Variants in CACNA1B observed in about 807,000 individuals in gnomAD.
CACNA1B encodes voltage-dependent N-type calcium channel subunit alpha-1B.
A neutral mutation model predicts 247.2 loss-of-function variants in CACNA1B; 70 were observed. The observed-to-expected ratio is 0.28, with a 90% CI of 0.23 to 0.35. The LOEUF (loss-of-function observed/expected upper bound fraction) is 0.35, where lower values mean the gene tolerates loss of function less well. Among genes scored for constraint, CACNA1B ranks in the 10% least tolerant of loss-of-function variants. CACNA1B has a pLI of 1.00. For missense variants in CACNA1B, 2,367 were observed against 3,197.4 expected, an observed-to-expected ratio of 0.74 and a Z score of 6.26; for synonymous variants, 1,231 against 1,294.4, an observed-to-expected ratio of 0.95 and a Z score of 1.05.
chr9:138,059,309 T>C lies in CACNA1B; in HGVS notation c.4584+120T>C, dbSNP rs79650227. Reference sequence around the variant, plus strand: ...GAATTCTCCGAGTACCCAGAGTATATGTAATGCTACAGGGGCCCTGGGGAA... The same window carrying C: ...GAATTCTCCGAGTACCCAGAGTATACGTAATGCTACAGGGGCCCTGGGGAA... On this transcript the variant is annotated intron_variant, in intron 30 of 46. Coordinates refer to ENST00000371372, the MANE Select transcript of CACNA1B (RefSeq NM_000718.4). This position sits in a 1 kb window ranked among gnomAD's most constrained non-coding sequence, Gnocchi z 4.2. 1 of 669,788 alleles carries C rather than the reference T, an allele frequency of 1.5e-6. No individual in the cohort carries two copies. The highest frequency in any genetic ancestry group is 1.8e-5 in the African/African-American group (1 of 56,234). 41.5% of individuals were successfully genotyped at this position (669,788 alleles called of 1,614,324 possible). A position where few individuals can be genotyped will look rare whatever the true frequency, so the allele number is the denominator to read the frequency against.
At chr9:138,087,392 A>G (rs1045172766) in intron 36 of CACNA1B, among the ~76,000 whole-genome samples, 5 of 146,364 alleles carry the variant, frequency 3.4e-5, no homozygotes, top group African/African-American at 5.1e-5. Context: ...CTCAAAAAAA[A>G]AAAAAAAAAA....
At chr9:137,911,573 G>C (rs555530356) in intron 3 of CACNA1B, among the ~76,000 whole-genome samples, 2 of 152,100 alleles carry the variant, frequency 1.3e-5, no homozygotes, top group African/African-American at 4.8e-5. Context: ...GCGCTACTGC[G>C]CCCAGCTAGT....
chr9:138,106,976 G>A (rs149312646), intron 39 of CACNA1B, among the ~76,000 whole-genome samples: 177 of 152,166 alleles, frequency 1.2e-3, no homozygotes, highest in Non-Finnish European at 2.2e-3. Context: ...GTCCATGGCC[G>A]TTTCTCCATT....
At position 138,058,352 on chromosome 9, in the gene CACNA1B, G is replaced by A; in HGVS notation, c.4308+102G>A. On this transcript the variant is annotated intron_variant, in intron 28 of 46. Transcript: ENST00000371372. This position sits in a 1 kb window ranked among gnomAD's most constrained non-coding sequence, Gnocchi z 4.7. ...ACTCACAGCTGGGTCAGCTTTGGCT[G>A]CCACCGTCTGCCAACACAGGGGCAG... The A allele has an allele frequency of 1.3e-5, 14 of 1,091,292 alleles. No individual in the cohort carries two copies. The highest frequency in any genetic ancestry group is 1.9e-5 in the Non-Finnish European group (14 of 726,810). The allele number at this position is 1,091,292 out of a possible 1,614,324, so 67.6% of individuals were successfully genotyped here. A position where few individuals can be genotyped will look rare whatever the true frequency, so the allele number is the denominator to read the frequency against.
intron 36 of CACNA1B, among the ~76,000 whole-genome samples, chr9:138,091,860 G>A (rs1960890500): frequency 6.6e-6 from 1 of 152,178 alleles, no homozygotes; most frequent in South Asian, 2.1e-4. Flanking sequence ...CTAAGTGTCG[G>A]CTGGTCTGAG....
chr9:138,034,128 G>C (rs1959015724), intron 20 of CACNA1B, among the ~76,000 whole-genome samples: 1 of 152,166 alleles, frequency 6.6e-6, no homozygotes, highest in South Asian at 2.1e-4. Flanking sequence ...CAGCTGGCTG[G>C]CCTTGACACA....
intron 15 of CACNA1B, among the ~76,000 whole-genome samples, chr9:138,001,244 T>TA (rs750278715): frequency 2.0e-4 from 30 of 152,192 alleles, no homozygotes; most frequent in Middle Eastern, 3.4e-3. Context: ...TAATTCATGA[T>TA]AAAAAAAAGT....
At chr9:138,070,133 C>T (rs368270812) in intron 32 of CACNA1B, among the ~76,000 whole-genome samples, 17 of 152,340 alleles carry the variant, frequency 1.1e-4, no homozygotes, top group Non-Finnish European at 1.5e-4. Context: ...CTGATCCCTG[C>T]GAGTCCATGG....
Position 138,121,782 on chromosome 9 carries a change from C to T in CACNA1B, c.6803C>T (p.Ala2268Val). 3 of 1,612,982 alleles carry T rather than the reference C, an allele frequency of 1.9e-6. No individual in the cohort carries two copies. Among genetic ancestry groups the T allele is most frequent in the African/African-American group, 1.3e-5 (1 of 75,044 alleles). ...CTGGGGCAGCGTCTGGACAGTGAGGCCTCTGTCCACGCCCTGCCTGAGGAC... is the reference window on the plus strand; with the variant it reads ...CTGGGGCAGCGTCTGGACAGTGAGGTCTCTGTCCACGCCCTGCCTGAGGAC... Reference protein sequence around the residue: ...PYLGQRLDSEASVHALPEDTL... With the variant: ...PYLGQRLDSEVSVHALPEDTL... The change falls in exon 47 of 47, where the codon GCC becomes GTC. Residue 2268 changes from alanine (A) to valine (V), a missense_variant. Ala to Val is a moderately conservative substitution (Grantham distance 64, BLOSUM62 0). This residue lies in a region of CACNA1B where 773 missense variants were observed against 779.4 expected (regional missense o/e 0.99). Transcript: ENST00000371372. This position sits in a 1 kb window ranked among gnomAD's most constrained non-coding sequence, Gnocchi z 6.8.
chr9:138,113,852 G>A (rs1377805418), intron 40 of CACNA1B, among the ~76,000 whole-genome samples: 3 of 144,468 alleles, frequency 2.1e-5, no homozygotes, highest in African/African-American at 5.3e-5. Flanking sequence ...TGTGGGAGAC[G>A]TGAGGGAGTG....
rs1378136511 is a variant in CACNA1B, at chr9:138,061,190, G to A, written c.4668+1453G>A. Among the ~76,000 whole-genome samples, 4 of 152,350 alleles carry A rather than the reference G, an allele frequency of 2.6e-5. No homozygotes were observed. In the South Asian group the frequency reaches 6.2e-4, roughly 24 times the overall value. Reference sequence around the variant, plus strand: ...CCCTTCACAGTAATGAGGGTCAGATGATCTGGCTGGCATGGAAACTCTTTG... The same window carrying A: ...CCCTTCACAGTAATGAGGGTCAGATAATCTGGCTGGCATGGAAACTCTTTG... On this transcript the variant is annotated intron_variant, in intron 31 of 46. Coordinates refer to ENST00000371372, the MANE Select transcript of CACNA1B (RefSeq NM_000718.4).
intron 3 of CACNA1B, among the ~76,000 whole-genome samples, chr9:137,903,949 G>C (rs957890526): frequency 1.1e-4 from 16 of 152,118 alleles, no homozygotes. Flanking sequence ...CTGGGTGCCA[G>C]TGCACACCCC....
At chr9:137,949,121 AGT>A (rs1199038968) in intron 6 of CACNA1B, among the ~76,000 whole-genome samples, 63 of 812 alleles carry the variant, frequency 0.078, 1 homozygote, top group African/African-American at 0.19. Flanking sequence ...CTGTGTGTCC[AGT>A]GTGTGTGTGT....
chr9:137,967,751 T>A (rs764313471), intron 10 of CACNA1B, among the ~76,000 whole-genome samples: 16 of 152,204 alleles, frequency 1.1e-4, no homozygotes, highest in Non-Finnish European at 2.1e-4. Flanking sequence ...ATGCTTTTCC[T>A]TTGTCAGTGA....
chr9:137,905,776 A>G (rs1957292372), intron 3 of CACNA1B, among the ~76,000 whole-genome samples: 1 of 152,238 alleles, frequency 6.6e-6, no homozygotes, highest in South Asian at 2.1e-4. Context: ...GATTTCCACA[A>G]ACATTGCTAC....
chr9:137,930,900 A>G (rs1957600057), intron 6 of CACNA1B, among the ~76,000 whole-genome samples: 1 of 152,148 alleles, frequency 6.6e-6, no homozygotes, highest in African/African-American at 2.4e-5. Context: ...ATATTAATCT[A>G]GCCACTCCAA....
chr9:137,903,431 C>T (rs900910093), intron 3 of CACNA1B, among the ~76,000 whole-genome samples: 5 of 152,172 alleles, frequency 3.3e-5, no homozygotes, highest in African/African-American at 1.2e-4. Flanking sequence ...TCGTGCTCTG[C>T]TTCGACTCAT....
rs993004520 is a variant in CACNA1B at position 137,990,533 on chromosome 9, G to A, written c.1974+3679G>A. Among the ~76,000 whole-genome samples, 33 of 152,160 alleles carry A rather than the reference G, an allele frequency of 2.2e-4. No individual in the cohort carries two copies. Among genetic ancestry groups the A allele is most frequent in the African/African-American group, 7.2e-4 (30 of 41,436 alleles). On this transcript the variant is annotated intron_variant, in intron 15 of 46. Coordinates refer to ENST00000371372, the MANE Select transcript of CACNA1B (RefSeq NM_000718.4). The surrounding 1 kb of genome is among the most constrained non-coding windows in gnomAD (Gnocchi z 4.5). ...TTGAAAGCGCCACCTCCTGGCTGGA[G>A]GCCAACCAATATAAAACCAGCACAC... is the stretch of plus-strand genomic sequence containing the variant.
At chr9:137,982,707 G>A (rs1304400653) in intron 12 of CACNA1B, among the ~76,000 whole-genome samples, 1 of 152,210 alleles carries the variant, frequency 6.6e-6, no homozygotes, top group Admixed American at 6.5e-5. Context: ...GCAAACATCT[G>A]GATGATTTGC....
Sources: gnomAD v4.1 joint callset for allele counts (sites outside exome capture counted in the v4.1 genomes callset) on GRCh38, gnomAD v4.1.1 for gene constraint, gnomAD v4.1.1 regional missense constraint, Gnocchi (gnomAD v3.1) non-coding constraint, MANE v1.5 for transcripts, NCBI Gene and HGNC (gene_info 2026-07-23, HGNC 2026-07-21) for gene names.